ADGRL3: variants seen among roughly 807,000 people sequenced by gnomAD.
The protein encoded by ADGRL3 is adhesion G protein-coupled receptor L3.
In ADGRL3, 62 loss-of-function variants were observed where a neutral mutation model predicts 153.5. The observed-to-expected ratio is 0.40, with a 90% CI of 0.33 to 0.50. The LOEUF (loss-of-function observed/expected upper bound fraction) is 0.50. ADGRL3 is among the 20% of genes least tolerant of loss of function. The pLI is 0.47. For missense variants in ADGRL3, 1,641 were observed against 1,859.4 expected (o/e 0.88, Z 2.16); for synonymous variants, 710 against 672.5 (o/e 1.06, Z -0.86).
intron 9 of ADGRL3, among the ~76,000 whole-genome samples, chr4:61,869,991 G>GA (rs2098433593): frequency 1.2e-5 from 1 of 80,934 alleles, no homozygotes; most frequent in Non-Finnish European, 2.6e-5. Flanking sequence ...AGAGAGAGAG[G>GA]GAGAGAGAGA....
chr4:61,489,694 A>G (rs1207469544), intron 2 of ADGRL3, among the ~76,000 whole-genome samples: 7 of 152,024 alleles, frequency 4.6e-5, no homozygotes, highest in Admixed American at 4.6e-4. Context: ...CTATCTAAAT[A>G]ATAGTTTATT....
At chr4:61,894,415 T>C (rs2098611777) in intron 10 of ADGRL3, among the ~76,000 whole-genome samples, 1 of 152,188 alleles carries the variant, frequency 6.6e-6, no homozygotes, top group Non-Finnish European at 1.5e-5. Context: ...ATACTCATTT[T>C]ATTTAGGAAA....
At chr4:61,609,783 C>T (rs373819723) in intron 5 of ADGRL3, among the ~76,000 whole-genome samples, 87 of 152,172 alleles carry the variant, frequency 5.7e-4, no homozygotes, top group African/African-American at 2.1e-3. Flanking sequence ...TTAGGACCCT[C>T]CAGCTTCTGA....
In ADGRL3 at chr4:61,790,713, G is replaced by A. The variant is rs2097331908; in HGVS notation, c.1400-23096G>A. Among the ~76,000 whole-genome samples, 3 of 152,142 alleles carry A rather than the reference G, an allele frequency of 2.0e-5. No homozygotes were observed. In the South Asian group the frequency reaches 6.2e-4, roughly 32 times the overall value. ...TGTATTAGACTGTTCTCATGCTGCT[G>A]ATAAAGACATACCCAAGACTGGGCA... On this transcript the variant is annotated intron_variant, in intron 8 of 26. Coordinates refer to ENST00000683033, the MANE Select transcript of ADGRL3 (RefSeq NM_001387552.1).
At chr4:61,550,642 A>G (rs1432583157) in intron 4 of ADGRL3, among the ~76,000 whole-genome samples, 3 of 116,000 alleles carry the variant, frequency 2.6e-5, no homozygotes, top group African/African-American at 9.4e-5. Context: ...GCAAAGGAAA[A>G]TTTTTAAGAT....
chr4:61,497,406 A>G (rs569728663), intron 3 of ADGRL3, 58 bp downstream of exon 3: 15 of 1,101,752 alleles, frequency 1.4e-5, no homozygotes, highest in Non-Finnish European at 1.9e-5. Flanking sequence ...TTCATACTGG[A>G]CACTTCCTTG....
intron 1 of ADGRL3, among the ~76,000 whole-genome samples, chr4:61,360,776 A>G (rs773111213): frequency 6.6e-5 from 10 of 152,268 alleles, no homozygotes; most frequent in East Asian, 1.9e-4. Context: ...TAGAAATACA[A>G]TACTTTTTAG....
At chr4:61,274,293 A>G (rs558859397) in intron 1 of ADGRL3, among the ~76,000 whole-genome samples, 37 of 152,348 alleles carry the variant, frequency 2.4e-4, no homozygotes, top group African/African-American at 7.7e-4. Flanking sequence ...ACATTATCAT[A>G]GAATCCATGG....
At chr4:61,330,147 C>G (rs547313623) in intron 1 of ADGRL3, among the ~76,000 whole-genome samples, 1 of 152,156 alleles carries the variant, frequency 6.6e-6, no homozygotes, top group African/African-American at 2.4e-5. Flanking sequence ...ATTTCAAGGA[C>G]AGACGTATTC....
chr4:61,812,565 A>T (rs1268623423), intron 8 of ADGRL3, among the ~76,000 whole-genome samples: 1 of 152,234 alleles, frequency 6.6e-6, no homozygotes, highest in Non-Finnish European at 1.5e-5. Flanking sequence ...TTCCCATTGT[A>T]GAAAGAAAGT....
intron 5 of ADGRL3, among the ~76,000 whole-genome samples, chr4:61,617,513 G>T (rs2092131066): frequency 6.6e-6 from 1 of 152,080 alleles, no homozygotes; most frequent in Admixed American, 6.6e-5. Context: ...GTCACCAACT[G>T]GTTCTTGCAC....
At chr4:61,858,529 G>A in intron 9 of ADGRL3, among the ~76,000 whole-genome samples, 1 of 152,148 alleles carries the variant, frequency 6.6e-6, no homozygotes, top group Non-Finnish European at 1.5e-5. Flanking sequence ...GCTAAAGCAG[G>A]AGAATCGCTT....
Position 61,983,506 on chromosome 4 carries a change from C to A in ADGRL3, c.3139C>A (p.Arg1047Ser). 2 of 1,613,886 alleles carry A rather than the reference C, an allele frequency of 1.2e-6. No homozygotes were observed. The highest frequency in any genetic ancestry group is 1.7e-6 in the Non-Finnish European group (2 of 1,179,862). ...GGAGGTTTTTGAGAGTGAACATTCA[C>A]GTAGGAAATACTTTTATCTGGTCGG... ...LVEVFESEHS[R>S]RKYFYLVGYG... The change falls in exon 19 of 27, where the codon CGT becomes AGT. Residue 1047 changes from arginine (R) to serine (S), a missense_variant. Physicochemically the swap from Arg to Ser is moderately radical, Grantham distance 110. Around this residue, in one of 5 missense-constraint regions of ADGRL3, gnomAD observed 734 missense variants for 797.0 expected, o/e 0.92. Coordinates refer to ENST00000683033, the MANE Select transcript of ADGRL3 (RefSeq NM_001387552.1).
chr4:61,702,413 C>T (rs575607180), intron 6 of ADGRL3, among the ~76,000 whole-genome samples: 4 of 152,266 alleles, frequency 2.6e-5, no homozygotes, highest in African/African-American at 9.6e-5. Flanking sequence ...ACAACTTTTG[C>T]ACATGAACAA....
intron 2 of ADGRL3, among the ~76,000 whole-genome samples, chr4:61,409,398 A>C (rs2097055366): frequency 1.6e-5 from 1 of 64,480 alleles, no homozygotes; most frequent in East Asian, 4.0e-4. Flanking sequence ...TATATTAGAC[A>C]TACATAATAT....
intron 4 of ADGRL3, among the ~76,000 whole-genome samples, chr4:61,539,453 C>T (rs1230035944): frequency 6.6e-6 from 1 of 152,190 alleles, no homozygotes; most frequent in Non-Finnish European, 1.5e-5. Context: ...AGCGTTAGAT[C>T]TTCAGGGGCC....
intron 9 of ADGRL3, among the ~76,000 whole-genome samples, chr4:61,890,878 A>T (rs1326198423): frequency 1.3e-5 from 2 of 152,154 alleles, no homozygotes; most frequent in Non-Finnish European, 2.9e-5. Context: ...GTAAAAATTT[A>T]GTTTTTAAGT....
At chr4:61,805,338 C>T (rs779773954) in intron 8 of ADGRL3, among the ~76,000 whole-genome samples, 6 of 152,132 alleles carry the variant, frequency 3.9e-5, no homozygotes, top group Non-Finnish European at 7.4e-5. Context: ...AAATTTACCA[C>T]ATTATGTTTT....
intron 2 of ADGRL3, among the ~76,000 whole-genome samples, chr4:61,452,353 C>T (rs779755771): frequency 7.0e-6 from 1 of 142,768 alleles, no homozygotes; most frequent in Non-Finnish European, 1.6e-5. Context: ...CCCAGTTCTG[C>T]TTCCCTTTCT....
Sources: gnomAD v4.1 joint callset for allele counts (sites outside exome capture counted in the v4.1 genomes callset) on GRCh38, gnomAD v4.1.1 for gene constraint, gnomAD v4.1.1 regional missense constraint, MANE v1.5 for transcripts, NCBI Gene and HGNC (gene_info 2026-07-23, HGNC 2026-07-21) for gene names.